Variants in ZFP90 observed in about 807,000 individuals in gnomAD.
The protein encoded by ZFP90 is ZFP90 zinc finger protein.
A neutral mutation model predicts 60.8 loss-of-function variants in ZFP90; 38 were observed. The observed-to-expected ratio is 0.62, with a 90% CI of 0.48 to 0.82. The LOEUF is 0.82. Ranked by LOEUF, ZFP90 falls within the 40% of genes least tolerant of loss-of-function variation. ZFP90 has a pLI of 0.00. For missense variants in ZFP90, 711 were observed against 759.1 expected (o/e 0.94, Z 0.74); for synonymous variants, 287 against 264.8 (o/e 1.08, Z -0.82).
chr16:68,572,009 A>G (rs1362308849), downstream of ZFP90, among the ~76,000 whole-genome samples: 3 of 152,122 alleles, frequency 2.0e-5, no homozygotes, highest in African/African-American at 7.2e-5. Flanking sequence ...TCATTTTGGA[A>G]AAACATACTT....
intron 2 of ZFP90, among the ~76,000 whole-genome samples, chr16:68,553,698 A>G (rs1378980261): frequency 6.6e-6 from 1 of 152,104 alleles, no homozygotes; most frequent in Non-Finnish European, 1.5e-5. Flanking sequence ...GGCTCACTGT[A>G]GCCTTGAACT....
chr16:68,547,969 A>C (rs2091181821), intron 2 of ZFP90, among the ~76,000 whole-genome samples: 1 of 152,080 alleles, frequency 6.6e-6, no homozygotes, highest in East Asian at 1.9e-4. Flanking sequence ...CTGGGATTAC[A>C]GGCGTGTACC....
chr16:68,545,469 T>C (rs2091132452), intron 2 of ZFP90, among the ~76,000 whole-genome samples: 1 of 152,304 alleles, frequency 6.6e-6, no homozygotes, highest in South Asian at 2.1e-4. Context: ...CACTGAACAG[T>C]TTTTAAAAAA....
chr16:68,548,447 GTA>G (rs34110761), intron 2 of ZFP90, among the ~76,000 whole-genome samples: 114,122 of 139,242 alleles, frequency 0.82, 46,380 homozygotes, highest in African/African-American at 0.9. Flanking sequence ...ACACTAGTGT[GTA>G]TATTTCACTG....
chr16:68,561,892 C>T (rs1247887476), intron 4 of ZFP90, among the ~76,000 whole-genome samples: 2 of 152,092 alleles, frequency 1.3e-5, no homozygotes, highest in African/African-American at 2.4e-5. Context: ...TTATTAGGAA[C>T]ATTTTCAAAT....
intron 3 of ZFP90, 106 bp from the exon 4 acceptor site, chr16:68,558,367 T>C: frequency 8.2e-7 from 1 of 1,213,502 alleles, no homozygotes; most frequent in Non-Finnish European, 1.2e-6. Context: ...ACCTTTTTTT[T>C]CCTTCAGAGT....
intron 4 of ZFP90, chr16:68,562,201 G>A (rs1457451554): frequency 6.6e-6 from 1 of 152,138 alleles, no homozygotes; most frequent in Non-Finnish European, 1.5e-5. Flanking sequence ...AGTCTTATAT[G>A]TACCATCCAG....
Position 68,565,662 on chromosome 16 carries a change from A to T in ZFP90, c.*964A>T, listed in dbSNP as rs929080477. 9.1e-6 allele frequency: 9 copies of T among 985,464 alleles called. No homozygotes were observed. Among genetic ancestry groups the T allele is most frequent in the Non-Finnish European group, 9.6e-6 (8 of 829,934 alleles). 61.0% of individuals were successfully genotyped at this position (985,464 alleles called of 1,614,324 possible). On this transcript the variant is annotated 3_prime_UTR_variant, in exon 5 of 5. Coordinates refer to ENST00000563169, the MANE Select transcript of ZFP90 (RefSeq NM_001305203.2). Reference sequence around the variant, plus strand: ...TGAAAAAGCACTTTCTTAAGCCTACAGTATCAGATCAATGGGAAAACAACA... The same window carrying T: ...TGAAAAAGCACTTTCTTAAGCCTACTGTATCAGATCAATGGGAAAACAACA...
rs116895279 is a variant in ZFP90 at position 68,539,444 on chromosome 16, G to A, written c.-71G>A. ...CGAGGCTCTGGGTGGGCCGGAGGTC[G>A]CGAAATCCGGAGCCCCCCAGAGGCG... On this transcript the variant is annotated 5_prime_UTR_variant, in exon 1 of 5. Coordinates refer to ENST00000563169, the MANE Select transcript of ZFP90 (RefSeq NM_001305203.2). 19,036 of 355,354 alleles carry A rather than the reference G, an allele frequency of 0.054. 674 individuals are homozygous for A. The highest frequency in any genetic ancestry group is 0.13 in the East Asian group (2,921 of 23,182). The allele number at this position is 355,354 out of a possible 1,614,324, so 22.0% of individuals were successfully genotyped here. A position where few individuals can be genotyped will look rare whatever the true frequency, so the allele number is the denominator to read the frequency against.
At chr16:68,541,166 G>T (rs1236146503) in intron 2 of ZFP90, among the ~76,000 whole-genome samples, 7 of 152,026 alleles carry the variant, frequency 4.6e-5, no homozygotes, top group Admixed American at 3.9e-4. Context: ...CTCCCTAGTA[G>T]CTGGGATTAA....
At chr16:68,534,843 C>A (rs966176209), upstream of ZFP90, among the ~76,000 whole-genome samples, 2 of 151,864 alleles carry the variant, frequency 1.3e-5, no homozygotes, top group Non-Finnish European at 2.9e-5. Context: ...GGAGGCAGAG[C>A]TTGCAGTGAG....
At chr16:68,533,764 C>G (rs2090942608) in exon 2 of ZFP90, 1 of 152,174 alleles carries the variant, frequency 6.6e-6, no homozygotes, top group Non-Finnish European at 1.5e-5. Flanking sequence ...CCTCCACCTC[C>G]CAGGTTCAAG....
Position 68,566,962 on chromosome 16 carries a change from A to G in ZFP90, c.*2264A>G, listed in dbSNP as rs964355717. The G allele has an allele frequency of 1.9e-4, 183 of 985,486 alleles. No individual in the cohort carries two copies. The highest frequency in any genetic ancestry group is 1.7e-4 in the Non-Finnish European group (141 of 829,976). The allele number at this position is 985,486 out of a possible 1,614,324, so 61.0% of individuals were successfully genotyped here. A position where few individuals can be genotyped will look rare whatever the true frequency, so the allele number is the denominator to read the frequency against. On this transcript the variant is annotated 3_prime_UTR_variant, in exon 5 of 5. Coordinates refer to ENST00000563169, the MANE Select transcript of ZFP90 (RefSeq NM_001305203.2). ...CCACTCTGAAACTCAGCACATCTTC[A>G]TTGACAGGGAGGGAGCCCAGGACAT...
chr16:68,558,287 C>G (rs2091379819), intron 3 of ZFP90, 163 bp downstream of exon 3: 6 of 1,239,764 alleles, frequency 4.8e-6, no homozygotes, highest in African/African-American at 1.5e-5. Flanking sequence ...TGAGCCTGCT[C>G]TTTAGGTAAA....
intron 2 of ZFP90, among the ~76,000 whole-genome samples, chr16:68,544,864 C>CTTTTTTTT (rs71148911): frequency 3.0e-5 from 2 of 66,564 alleles, no homozygotes; most frequent in Non-Finnish European, 5.4e-5. Context: ...CTGTGAACAC[C>CTTTTTTTT]TTTTTTTTTT....
At chr16:68,545,131 G>T (rs952634333) in intron 2 of ZFP90, among the ~76,000 whole-genome samples, 2 of 151,488 alleles carry the variant, frequency 1.3e-5, no homozygotes, top group African/African-American at 4.9e-5. Context: ...CGCCCGCCTC[G>T]GCCGCCCAAA....
At chr16:68,569,136 C>CTTT (rs35827680), downstream of ZFP90, among the ~76,000 whole-genome samples, 17,640 of 122,916 alleles carry the variant, frequency 0.14, 2,103 homozygotes, top group African/African-American at 0.2. Context: ...ATTAGTCCCA[C>CTTT]TTTTTTTTTT....
chr16:68,561,514 T>G (rs1597745812), intron 4 of ZFP90, among the ~76,000 whole-genome samples: 2 of 152,258 alleles, frequency 1.3e-5, no homozygotes, highest in East Asian at 3.9e-4. Flanking sequence ...ATCATTTATA[T>G]CATCTACACT....
intron 2 of ZFP90, among the ~76,000 whole-genome samples, chr16:68,554,160 T>A (rs1267025478): frequency 1.3e-5 from 2 of 151,086 alleles, no homozygotes; most frequent in African/African-American, 4.9e-5. Context: ...CTCGCTCTGT[T>A]GCCCCGGCTG....
Sources: gnomAD v4.1 joint callset for allele counts (sites outside exome capture counted in the v4.1 genomes callset) on GRCh38, gnomAD v4.1.1 for gene constraint, MANE v1.5 for transcripts, NCBI Gene and HGNC (gene_info 2026-07-23, HGNC 2026-07-21) for gene names.